The following ZNF394 variants were observed in gnomAD, a reference collection of about 807,000 sequenced individuals.
ZNF394 encodes the protein zinc finger protein 394, also known as zinc finger protein 99.
ZNF394 carries 19 observed loss-of-function variants against 21.8 expected under a neutral mutation model. That is an observed-to-expected ratio of 0.87 (90% CI 0.61 to 1.28). ZNF394 has a LOEUF of 1.28. Among genes scored for constraint, ZNF394 ranks in the 50% most tolerant of loss-of-function variants. The pLI, the probability that ZNF394 is intolerant of heterozygous loss-of-function variation, is 0.00. For missense variants in ZNF394, 683 were observed against 708.6 expected (o/e 0.96, Z 0.41); for synonymous variants, 294 against 273.3 (o/e 1.08, Z -0.75).
chr7:99,488,071 C>CAAAAAA (rs1180851983), intron 1 of ZNF394, among the ~76,000 whole-genome samples: 2 of 68,226 alleles, frequency 2.9e-5, no homozygotes, highest in African/African-American at 4.6e-5. Flanking sequence ...GACTCCGTCT[C>CAAAAAA]AAAAAAAAAA....
downstream of ZNF394, among the ~76,000 whole-genome samples, chr7:99,490,016 A>C (rs1173367914): frequency 6.6e-6 from 1 of 151,966 alleles, no homozygotes; most frequent in African/African-American, 2.4e-5. Context: ...AAAAAAACAA[A>C]CAAATATTGC....
chr7:99,497,147 T>C (rs1313517608), intron 2 of ZNF394, among the ~76,000 whole-genome samples: 2 of 139,582 alleles, frequency 1.4e-5, no homozygotes, highest in Admixed American at 7.2e-5. Context: ...TATATGTATA[T>C]ATATATATAA....
chr7:99,494,175 T>A lies in ZNF394; in HGVS notation c.1040A>T (p.Glu347Val), dbSNP rs768878441. ...TTCTTCATGGAGCTGCCTCTGGGTC[T>A]CAAAAAGGCTGGAATGATGGAAACT... The part of the protein sequence containing the change: ...GDSFHHSSLF[E>V]TQRQLHEERP... Residue 347 changes from glutamate to valine, a missense_variant, in exon 3 of 3, where the codon GAG becomes GTG. Physicochemically the swap from Glu to Val is moderately radical, Grantham distance 121. Around this residue, in one of 3 missense-constraint regions of ZNF394, gnomAD observed 274 missense variants for 314.1 expected, o/e 0.87. Transcript: ENST00000337673. The A allele has an allele frequency of 5.6e-6, 9 of 1,614,240 alleles. No individual in the cohort carries two copies. In the South Asian group the frequency reaches 9.9e-5, roughly 18 times the overall value.
At position 99,499,619 on chromosome 7, in the gene ZNF394, C is replaced by G. The variant is rs1483197816; in HGVS notation, c.456+19G>C. The G allele has an allele frequency of 1.9e-6, 3 of 1,556,370 alleles. No individual in the cohort carries two copies. The highest frequency in any genetic ancestry group is 4.5e-5 in the East Asian group (2 of 44,586). ...ATTTTCCACACTCCCACCTCCAGAA[C>G]AGGCCTTTCGCTTCTCACCTGGGAT... On this transcript the variant is annotated intron_variant, in intron 1 of 2. Coordinates refer to ENST00000337673, the MANE Select transcript of ZNF394 (RefSeq NM_032164.4).
Position 99,493,542 on chromosome 7 carries a change from C to T in ZNF394, c.1673G>A (p.Gly558Asp), listed in dbSNP as rs1329518050. The T allele has an allele frequency of 6.2e-7, 1 of 1,603,294 alleles. No individual in the cohort carries two copies. The highest frequency in any genetic ancestry group is 8.5e-7 in the Non-Finnish European group (1 of 1,173,934). The change falls in exon 3 of 3, where the codon GGC becomes GAC. Residue 558 changes from glycine to aspartate, a missense_variant. Around this residue, in one of 3 missense-constraint regions of ZNF394, gnomAD observed 274 missense variants for 314.1 expected, o/e 0.87. Transcript: ENST00000337673. ...QNKVLSAGRG[G>D]SRL ...AAAGTGCTGGGATTATAGGCGTGAG[C>T]CACCACGCCCAGCCGACAGCACTTT...
chr7:99,487,610 T>C, intron 1 of ZNF394: 1 of 1,184,408 alleles, frequency 8.4e-7, no homozygotes, highest in Non-Finnish European at 1.2e-6. Context: ...ATGGGAGCCA[T>C]CTTTGTGTAG....
At chr7:99,495,462 A>G (rs1800272414) in intron 2 of ZNF394, among the ~76,000 whole-genome samples, 1 of 151,410 alleles carries the variant, frequency 6.6e-6, no homozygotes, top group Non-Finnish European at 1.5e-5. Flanking sequence ...AGCTGGGATT[A>G]CAGGCACCCA....
intron 1 of ZNF394, 75 bp from the exon 2 acceptor site, chr7:99,498,917 C>G: frequency 6.6e-7 from 1 of 1,515,626 alleles, no homozygotes; most frequent in Non-Finnish European, 8.9e-7. Context: ...AGTCTTGTAC[C>G]GACAAGGGAG....
rs959326260 is a variant in ZNF394, at chr7:99,500,227, A to G, written c.-134T>C. 1 of 768,362 alleles carries G rather than the reference A, an allele frequency of 1.3e-6. No homozygotes were observed. Among genetic ancestry groups the G allele is most frequent in the South Asian group, 2.1e-5 (1 of 46,576 alleles). 47.6% of individuals were successfully genotyped at this position (768,362 alleles called of 1,614,324 possible). A position where few individuals can be genotyped will look rare whatever the true frequency, so the allele number is the denominator to read the frequency against. On this transcript the variant is annotated 5_prime_UTR_variant, in exon 1 of 3. Transcript: ENST00000337673. Reference sequence around the variant, plus strand: ...CCCACCACACCAGGCCCCTCTCCACACTCTCCTTTCCTCAGCTTTGCGCCT... The same window carrying G: ...CCCACCACACCAGGCCCCTCTCCACGCTCTCCTTTCCTCAGCTTTGCGCCT...
In ZNF394 at chr7:99,494,410, C is replaced by T. The variant is rs1222750614; in HGVS notation, c.805G>A (p.Asp269Asn). The change falls in exon 3 of 3, where the codon GAT becomes AAT. Residue 269 changes from aspartate (D) to asparagine (N), a missense_variant. Physicochemically the swap from Asp to Asn is conservative, Grantham distance 23. Around this residue, in one of 3 missense-constraint regions of ZNF394, gnomAD observed 402 missense variants for 373.8 expected, o/e 1.08. Transcript: ENST00000337673. Reference sequence around the variant, plus strand: ...TCTATGGAACCATTCTTATTGACATCTGAGATGCTGTTGAGTCCTTCTGCT... The same window carrying T: ...TCTATGGAACCATTCTTATTGACATTTGAGATGCTGTTGAGTCCTTCTGCT... Reference protein sequence around the residue: ...PEAEGLNSISDVNKNGSIEGE... With the variant: ...PEAEGLNSISNVNKNGSIEGE... The T allele has an allele frequency of 6.2e-7, 1 of 1,614,190 alleles. No homozygotes were observed. The highest frequency in any genetic ancestry group is 1.3e-5 in the African/African-American group (1 of 75,040).
Position 99,500,010 on chromosome 7 carries a change from C to A in ZNF394, c.84G>T (p.Ala28=). Residue 28 remains alanine (A), a synonymous_variant, in exon 1 of 3, where the codon GCG becomes GCT. Coordinates refer to ENST00000337673, the MANE Select transcript of ZNF394 (RefSeq NM_032164.4). ...AAAGTCCGTCGCGTTGGGACGGCGC[C>A]GCGTCCTTGGACCTCGCAGCCATCA... ...PWVMAARSKD[A]APSQRDGLLP... 2 of 1,609,422 alleles carry A rather than the reference C, an allele frequency of 1.2e-6. No individual in the cohort carries two copies.
At chr7:99,491,902 A>G (rs1800169690), downstream of ZNF394, among the ~76,000 whole-genome samples, 2 of 151,080 alleles carry the variant, frequency 1.3e-5, no homozygotes, top group South Asian at 2.1e-4. Context: ...GTGAAACCCC[A>G]TCTCTACTAA....
At chr7:99,487,256 C>T in intron 1 of ZNF394, 1 of 1,614,144 alleles carries the variant, frequency 6.2e-7, no homozygotes, top group Non-Finnish European at 8.5e-7. Flanking sequence ...TGTGGACAGT[C>T]CTTTGGTAGG....
chr7:99,496,065 G>C (rs930594915), intron 2 of ZNF394, among the ~76,000 whole-genome samples: 1 of 152,170 alleles, frequency 6.6e-6, no homozygotes, highest in African/African-American at 2.4e-5. Flanking sequence ...GTAATTACAG[G>C]TGCCCATTAA....
Position 99,499,699 on chromosome 7 carries a change from C to T in ZNF394, c.395G>A (p.Gly132Glu). 1.2e-6 allele frequency: 2 copies of T among 1,613,022 alleles called. No individual in the cohort carries two copies. The highest frequency in any genetic ancestry group is 1.7e-6 in the Non-Finnish European group (2 of 1,179,884). ...AWVREHCPES[G>E]EEAVAVVRAL... ...CCGCACCACGGCCACCGCCTCCTCCCCGCTCTCTGGGCAGTGCTCTCGCAC... is the reference window on the plus strand; with the variant it reads ...CCGCACCACGGCCACCGCCTCCTCCTCGCTCTCTGGGCAGTGCTCTCGCAC... Residue 132 changes from glycine (G) to glutamate (E), a missense_variant, in exon 1 of 3, where the codon GGG (glycine) becomes GAG (glutamate). By Grantham distance (98) the Gly-to-Glu change is moderately conservative (BLOSUM62 -2). Around this residue, in one of 3 missense-constraint regions of ZNF394, gnomAD observed 402 missense variants for 373.8 expected, o/e 1.08. Transcript: ENST00000337673.
chr7:99,493,665 C>A lies in ZNF394; in HGVS notation c.1550G>T (p.Arg517Ile), dbSNP rs758821393. Residue 517 changes from arginine (R) to isoleucine (I), a missense_variant, in exon 3 of 3, where the codon AGA becomes ATA. Physicochemically the swap from Arg to Ile is moderately conservative, Grantham distance 97. Coordinates refer to ENST00000337673, the MANE Select transcript of ZNF394 (RefSeq NM_032164.4). ...NQSATLIKHQ[R>I]IHTGEKPYKC... Reference sequence around the variant, plus strand: ...GTAAGGCTTTTCCCCAGTGTGAATTCTCTGGTGTTTAATGAGGGTTGCACT... The same window carrying A: ...GTAAGGCTTTTCCCCAGTGTGAATTATCTGGTGTTTAATGAGGGTTGCACT... 1 of 1,614,228 alleles carries A rather than the reference C, an allele frequency of 6.2e-7. No individual in the cohort carries two copies. Among genetic ancestry groups the A allele is most frequent in the Admixed American group, 1.7e-5 (1 of 60,020 alleles).
In ZNF394 at chr7:99,496,100, TTAGTAGGTATTTTAGTAGGTATTA is replaced by T. The variant is rs1195404188; in HGVS notation, c.584-1493_584-1470del. Among the ~76,000 whole-genome samples, 477 of 152,054 alleles carry T rather than the reference TTAGTAGGTATTTTAGTAGGTATTA, an allele frequency of 3.1e-3. 3 individuals are homozygous for T. The highest frequency in any genetic ancestry group is 9.9e-3 in the African/African-American group (408 of 41,394). On this transcript the variant is annotated intron_variant, in intron 2 of 2. Coordinates refer to ENST00000337673, the MANE Select transcript of ZNF394 (RefSeq NM_032164.4). ...ACTGGCCTGGCTAATTTTTGTATTT[TTAGTAGGTATTTTAGTAGGTATTA>T]TAGTAGGTATTTTAGTAGGTATTAT...
chr7:99,493,638 T>C lies in ZNF394; in HGVS notation c.1577A>G (p.Lys526Arg). The change falls in exon 3 of 3, where the codon AAA becomes AGA. Residue 526 changes from lysine (K) to arginine (R), a missense_variant. Lys to Arg is a conservative substitution (Grantham distance 26). This residue lies in a region of ZNF394 where 274 missense variants were observed against 314.1 expected (regional missense o/e 0.87). Transcript: ENST00000337673. ...AAATCTTTCCCCACATTCAAGACAT[T>C]TGTAAGGCTTTTCCCCAGTGTGAAT... ...QRIHTGEKPY[K>R]CLECGERFRQ... 2.5e-6 allele frequency: 4 copies of C among 1,614,208 alleles called. No homozygotes were observed. Among genetic ancestry groups the C allele is most frequent in the Non-Finnish European group, 3.4e-6 (4 of 1,180,024 alleles).
chr7:99,499,206 T>C (rs1346130063), intron 1 of ZNF394, among the ~76,000 whole-genome samples: 1 of 151,434 alleles, frequency 6.6e-6, no homozygotes, highest in Non-Finnish European at 1.5e-5. Flanking sequence ...TGAAACCCCG[T>C]CTCTACTAAA....
Sources: gnomAD v4.1 joint callset for allele counts (sites outside exome capture counted in the v4.1 genomes callset) on GRCh38, gnomAD v4.1.1 for gene constraint, gnomAD v4.1.1 regional missense constraint, MANE v1.5 for transcripts, NCBI Gene and HGNC (gene_info 2026-07-23, HGNC 2026-07-21) for gene names.